Variants in ZCCHC14 observed in about 807,000 individuals in gnomAD.
ZCCHC14 encodes the protein zinc finger CCHC-type containing 14.
Under a neutral mutation model 85.0 loss-of-function variants are expected in ZCCHC14, and 16 were observed. The ratio of observed to expected loss-of-function variants is 0.19; its 90% CI spans 0.13 to 0.29. ZCCHC14 has a LOEUF of 0.29. Among genes scored for constraint, ZCCHC14 ranks in the 10% least tolerant of loss-of-function variants. The probability of loss-of-function intolerance (pLI) is 1.00; values close to 1 mark genes in which losing one functional copy is unlikely to be tolerated. For missense variants in ZCCHC14, 1,303 were observed against 1,443.5 expected (o/e 0.90, Z 1.58); for synonymous variants, 775 against 630.7 (o/e 1.23, Z -3.43).
chr16:87,479,532 G>C (rs1415113110), intron 1 of ZCCHC14, among the ~76,000 whole-genome samples: 2 of 151,984 alleles, frequency 1.3e-5, no homozygotes, highest in Non-Finnish European at 2.9e-5. Flanking sequence ...CCCTTCTAAA[G>C]AGTTAATCTG....
chr16:87,475,552 T>TAA lies in ZCCHC14; in HGVS notation c.571-15423_571-15422dup, dbSNP rs35771945. Among the ~76,000 whole-genome samples, 405 of 91,436 alleles carry TAA rather than the reference T, an allele frequency of 4.4e-3. 4 individuals are homozygous for TAA. The highest frequency in any genetic ancestry group is 0.016 in the African/African-American group (355 of 22,468). 60.0% of individuals were successfully genotyped at this position (91,436 alleles called of 152,430 possible). A position where few individuals can be genotyped will look rare whatever the true frequency, so the allele number is the denominator to read the frequency against. On this transcript the variant is annotated intron_variant, in intron 1 of 12. Transcript: ENST00000671377. ...TGGGTGGCAGAGCAAGACTCTGTCTTAAAAAAAAAAAAAAAAAAAAAAAGG... is the reference window on the plus strand; with the variant it reads ...TGGGTGGCAGAGCAAGACTCTGTCTTAAAAAAAAAAAAAAAAAAAAAAAAAGG...
chr16:87,459,998 G>A lies in ZCCHC14; in HGVS notation c.694+10C>T, dbSNP rs372398595. On this transcript the variant is annotated intron_variant, in intron 2 of 12. Transcript: ENST00000671377. ...TCAGACGTCCTCCTGAAACCCGTGC[G>A]TGCACTCACCTTTGCTGTGTTTTCC... 32 of 1,613,930 alleles carry A rather than the reference G, an allele frequency of 2.0e-5. No homozygotes were observed. The African/African-American group carries it at 2.7e-4, about 13-fold the overall frequency.
Position 87,411,634 on chromosome 16 carries a change from C to A in ZCCHC14, c.3087G>T (p.Val1029=), listed in dbSNP as rs749527121. Residue 1029 remains valine, a synonymous_variant, in exon 12 of 13, where the codon GTG becomes GTT. Coordinates refer to ENST00000671377, the MANE Select transcript of ZCCHC14 (RefSeq NM_015144.3). ...TAGVYQTQGL[V]GSSNGSSHKK... ...TGTGACTGGAACCATTGCTACTGCC[C>A]ACCAGTCCTTGGGTCTGGTACACCC... 2 of 1,613,924 alleles carry A rather than the reference C, an allele frequency of 1.2e-6. No individual in the cohort carries two copies. The highest frequency in any genetic ancestry group is 1.1e-5 in the South Asian group (1 of 91,080).
At chr16:87,456,350 G>A (rs1910960345) in intron 2 of ZCCHC14, among the ~76,000 whole-genome samples, 1 of 151,810 alleles carries the variant, frequency 6.6e-6, no homozygotes, top group Non-Finnish European at 1.5e-5. Context: ...CTAACACGGT[G>A]AAACCACGTC....
At chr16:87,456,533 C>CAAAAAA (rs60817141) in intron 2 of ZCCHC14, among the ~76,000 whole-genome samples, 5,201 of 63,096 alleles carry the variant, frequency 0.082, 1,064 homozygotes, top group Non-Finnish European at 0.12. Flanking sequence ...ACTCTGTCTC[C>CAAAAAA]AAAAAAAAAA....
At chr16:87,440,599 A>C (rs1184239085) in intron 2 of ZCCHC14, among the ~76,000 whole-genome samples, 2 of 151,990 alleles carry the variant, frequency 1.3e-5, no homozygotes, top group Non-Finnish European at 2.9e-5. Flanking sequence ...CTGATTCCTC[A>C]CAACAAAATA....
intron 3 of ZCCHC14, 49 bp from the exon 4 acceptor site, chr16:87,423,930 T>C: frequency 1.3e-6 from 2 of 1,599,732 alleles, no homozygotes; most frequent in South Asian, 2.2e-5. Flanking sequence ...ACCACATACT[T>C]GGTTCCCAGC....
chr16:87,418,770 C>G (rs1376425986), intron 7 of ZCCHC14, 77 bp downstream of exon 7: 1 of 1,424,978 alleles, frequency 7.0e-7, no homozygotes, highest in Non-Finnish European at 9.8e-7. Context: ...ATTCTTGGAA[C>G]AACTTTACAC....
At position 87,420,441 on chromosome 16, in the gene ZCCHC14, T is replaced by C. The variant is rs1909033592; in HGVS notation, c.950+166A>G. On this transcript the variant is annotated intron_variant, in intron 5 of 12. Coordinates refer to ENST00000671377, the MANE Select transcript of ZCCHC14 (RefSeq NM_015144.3). This position sits in a 1 kb window ranked among gnomAD's most constrained non-coding sequence, Gnocchi z 5.0. ...GAACCACTCTCAGCTTACTGAGGGC[T>C]CCCGAATCCTCCAGAACTAATGGAA... Among the ~76,000 whole-genome samples the C allele has an allele frequency of 6.6e-6, 1 of 152,140 alleles. No homozygotes were observed. Among genetic ancestry groups the C allele is most frequent in the East Asian group, 1.9e-4 (1 of 5,186 alleles).
chr16:87,467,449 T>C (rs1303270554), intron 1 of ZCCHC14: 5 of 1,606,096 alleles, frequency 3.1e-6, no homozygotes, highest in African/African-American at 2.7e-5. Context: ...ATGTCTGCCA[T>C]TTCTGTTCAC....
intron 1 of ZCCHC14, among the ~76,000 whole-genome samples, chr16:87,478,536 G>C (rs1034617415): frequency 6.6e-6 from 1 of 152,146 alleles, no homozygotes; most frequent in African/African-American, 2.4e-5. Flanking sequence ...TGTCCGGGTA[G>C]AGTTTACACA....
intron 2 of ZCCHC14, among the ~76,000 whole-genome samples, chr16:87,436,192 C>T (rs1909911954): frequency 6.6e-6 from 1 of 152,240 alleles, no homozygotes; most frequent in African/African-American, 2.4e-5. Flanking sequence ...TATTTCATAT[C>T]TGGACAGGAA....
rs767123247 is a variant in ZCCHC14, at chr16:87,411,828, T to C, written c.2893A>G (p.Ser965Gly). Residue 965 changes from serine (S) to glycine (G), a missense_variant, in exon 12 of 13, where the codon AGT (serine) becomes GGT (glycine). Physicochemically the swap from Ser to Gly is moderately conservative, Grantham distance 56 (BLOSUM62 0). Transcript: ENST00000671377. ...ACGTAGCCGCTGCTGCACATGGGAC[T>C]GAAGGGCAAGAAGGGGAAGGTGAAC... is the stretch of plus-strand genomic sequence containing the variant. Reference protein sequence around the residue: ...SVFTFPFLPFSPMCSSGYVSA... With the variant: ...SVFTFPFLPFGPMCSSGYVSA... The C allele has an allele frequency of 5.6e-6, 9 of 1,611,148 alleles. No individual in the cohort carries two copies. The highest frequency in any genetic ancestry group is 6.8e-6 in the Non-Finnish European group (8 of 1,178,918).
At chr16:87,459,354 T>TG (rs1306122009) in intron 2 of ZCCHC14, among the ~76,000 whole-genome samples, 2 of 151,834 alleles carry the variant, frequency 1.3e-5, no homozygotes, top group Non-Finnish European at 2.9e-5. Flanking sequence ...CCACCCTTTT[T>TG]TTTTTTTTGA....
intron 2 of ZCCHC14, among the ~76,000 whole-genome samples, chr16:87,447,719 C>T (rs1910510149): frequency 6.6e-6 from 1 of 152,148 alleles, no homozygotes; most frequent in Non-Finnish European, 1.5e-5. Context: ...GGGATAAATT[C>T]CCTAGGACGA....
chr16:87,459,659 G>A (rs1022036788), intron 2 of ZCCHC14, among the ~76,000 whole-genome samples: 4 of 151,920 alleles, frequency 2.6e-5, no homozygotes, highest in African/African-American at 7.3e-5. Flanking sequence ...ACAGATGCCC[G>A]CCACCACGCC....
chr16:87,435,065 T>G (rs539940649), intron 2 of ZCCHC14, among the ~76,000 whole-genome samples: 1 of 150,962 alleles, frequency 6.6e-6, no homozygotes, highest in African/African-American at 2.4e-5. Context: ...AAACTGTCAA[T>G]GTACATTAGG....
chr16:87,490,902 C>T (rs1597189500), intron 1 of ZCCHC14, among the ~76,000 whole-genome samples: 1 of 152,214 alleles, frequency 6.6e-6, no homozygotes, highest in Non-Finnish European at 1.5e-5. Flanking sequence ...AGCCATGTCC[C>T]GCGCCCAGGC....
intron 3 of ZCCHC14, among the ~76,000 whole-genome samples, 186 bp from the exon 4 acceptor site, chr16:87,424,067 G>T (rs1413248704): frequency 3.9e-5 from 6 of 152,292 alleles, no homozygotes; most frequent in South Asian, 2.1e-4. Flanking sequence ...ATAGCTCCAG[G>T]CCCTCTAAAG....
Sources: gnomAD v4.1 joint callset for allele counts (sites outside exome capture counted in the v4.1 genomes callset) on GRCh38, gnomAD v4.1.1 for gene constraint, Gnocchi (gnomAD v3.1) non-coding constraint, MANE v1.5 for transcripts, NCBI Gene and HGNC (gene_info 2026-07-23, HGNC 2026-07-21) for gene names.